The following ALK variants were observed in gnomAD, a reference collection of about 807,000 sequenced individuals.
ALK encodes the protein ALK receptor tyrosine kinase.
Under a neutral mutation model 163.1 loss-of-function variants are expected in ALK, and 74 were observed. The observed-to-expected ratio is 0.45, with a 90% CI of 0.38 to 0.55. ALK has a LOEUF of 0.55. ALK is among the 20% of genes least tolerant of loss of function. The pLI, the probability that ALK is intolerant of heterozygous loss-of-function variation, is 0.00. For synonymous variants in ALK, 960 were observed against 843.2 expected, an observed-to-expected ratio of 1.14 and a Z score of -2.40; for missense variants, 2,063 against 2,105.3, an observed-to-expected ratio of 0.98 and a Z score of 0.39.
At chr2:29,808,051 T>C (rs1353552379) in intron 1 of ALK, among the ~76,000 whole-genome samples, 1 of 152,220 alleles carries the variant, frequency 6.6e-6, no homozygotes, top group Non-Finnish European at 1.5e-5. Context: ...CTAATCTCAT[T>C]GTTTGGTTTT....
At chr2:29,897,114 G>C (rs1380826789) in intron 1 of ALK, among the ~76,000 whole-genome samples, 1 of 152,190 alleles carries the variant, frequency 6.6e-6, no homozygotes, top group Admixed American at 6.5e-5. Context: ...GAGGTCAAGA[G>C]TTCAAGACCA....
At chr2:29,542,469 G>C (rs1242872123) in intron 3 of ALK, among the ~76,000 whole-genome samples, 1 of 151,992 alleles carries the variant, frequency 6.6e-6, no homozygotes, top group Non-Finnish European at 1.5e-5. Context: ...TTCTTCAGGG[G>C]GAAATTTCTT....
At chr2:29,770,909 ACAGTCACACACACG>A (rs1257088073) in intron 1 of ALK, among the ~76,000 whole-genome samples, 3 of 152,046 alleles carry the variant, frequency 2.0e-5, no homozygotes, top group African/African-American at 4.8e-5. Context: ...AGTCTCACAC[ACAGTCACACACACG>A]CAGTCACACA....
chr2:29,591,020 G>A (rs968101836), intron 3 of ALK, among the ~76,000 whole-genome samples: 44 of 130,352 alleles, frequency 3.4e-4, no homozygotes, highest in African/African-American at 1.0e-3. Context: ...GCAGTGAGCC[G>A]AGATCGCGCC....
intron 4 of ALK, among the ~76,000 whole-genome samples, chr2:29,463,094 C>T (rs68010618): frequency 0.16 from 24,176 of 152,042 alleles, 2,155 homozygotes; most frequent in East Asian, 0.35. Context: ...ACCATAAATC[C>T]GACCTAAGAC....
intron 1 of ALK, among the ~76,000 whole-genome samples, chr2:29,752,599 C>T (rs1033979479): frequency 1.3e-5 from 2 of 151,974 alleles, no homozygotes; most frequent in African/African-American, 4.8e-5. Context: ...CCGCCCGTCT[C>T]GGCCTCCCAA....
At chr2:29,271,019 A>G (rs1665370295) in intron 11 of ALK, among the ~76,000 whole-genome samples, 1 of 152,226 alleles carries the variant, frequency 6.6e-6, no homozygotes, top group African/African-American at 2.4e-5. Flanking sequence ...GGATTAGAAT[A>G]CATTATTGAT....
intron 1 of ALK, among the ~76,000 whole-genome samples, chr2:29,779,670 T>G (rs1681280738): frequency 6.6e-6 from 1 of 152,230 alleles, no homozygotes; most frequent in East Asian, 1.9e-4. Flanking sequence ...ATATATCATG[T>G]GCTAAATCAC....
chr2:29,783,023 T>C (rs1424951507), intron 1 of ALK, among the ~76,000 whole-genome samples: 1 of 152,214 alleles, frequency 6.6e-6, no homozygotes. Flanking sequence ...AGCAGTGTTG[T>C]GTTCTGTTTC....
At chr2:29,415,459 C>T (rs1669852929) in intron 4 of ALK, among the ~76,000 whole-genome samples, 1 of 152,072 alleles carries the variant, frequency 6.6e-6, no homozygotes, top group African/African-American at 2.4e-5. Context: ...GCCTGGTATG[C>T]TCTCCTTAAG....
chr2:29,447,860 G>A (rs1195090996), intron 4 of ALK, among the ~76,000 whole-genome samples: 1 of 152,016 alleles, frequency 6.6e-6, no homozygotes, highest in Non-Finnish European at 1.5e-5. Context: ...ATATGTGTGA[G>A]TTTTTCGGCA....
At chr2:29,276,977 T>C (rs1665564017) in intron 9 of ALK, among the ~76,000 whole-genome samples, 1 of 152,120 alleles carries the variant, frequency 6.6e-6, no homozygotes, top group Non-Finnish European at 1.5e-5. Context: ...GTGCATTTTA[T>C]GATATATAAA....
rs2339471 is a variant in ALK at position 29,281,720 on chromosome 2, C to T, written c.1818-6224G>A. Among the ~76,000 whole-genome samples, 7 of 152,148 alleles carry T rather than the reference C, an allele frequency of 4.6e-5. No homozygotes were observed. The South Asian group carries it at 1.2e-3, about 27-fold the overall frequency. ...AGACGCCTTTTGAAAACAGACTCAG[C>T]GGGGATCTGGGAGGTGGCCATCTGG... On this transcript the variant is annotated intron_variant, in intron 9 of 28. Coordinates refer to ENST00000389048, the MANE Select transcript of ALK (RefSeq NM_004304.5).
At chr2:29,832,635 C>T (rs1470450376) in intron 1 of ALK, among the ~76,000 whole-genome samples, 1 of 152,190 alleles carries the variant, frequency 6.6e-6, no homozygotes, top group East Asian at 1.9e-4. Flanking sequence ...AAGCTAAAGC[C>T]CTTGCTTCTT....
At chr2:29,569,315 C>CAGT (rs1367211491) in intron 3 of ALK, among the ~76,000 whole-genome samples, 5 of 152,004 alleles carry the variant, frequency 3.3e-5, no homozygotes, top group Non-Finnish European at 1.5e-5. Context: ...GCAGCAGCAG[C>CAGT]AGCAATGATT....
At chr2:29,221,782 G>T (rs574978719) in intron 22 of ALK, among the ~76,000 whole-genome samples, 1 of 152,114 alleles carries the variant, frequency 6.6e-6, no homozygotes, top group African/African-American at 2.4e-5. Flanking sequence ...GCCCCCACCT[G>T]ATCTTGAGGT....
At chr2:29,803,022 G>A (rs34106702) in intron 1 of ALK, among the ~76,000 whole-genome samples, 68 of 152,252 alleles carry the variant, frequency 4.5e-4, no homozygotes, top group Non-Finnish European at 3.4e-4. Flanking sequence ...TAGTTACAAT[G>A]TATTCAAAGG....
intron 3 of ALK, among the ~76,000 whole-genome samples, chr2:29,668,816 C>T (rs766172268): frequency 2.1e-4 from 32 of 152,014 alleles, no homozygotes; most frequent in Admixed American, 3.9e-4. Context: ...CACATGGCTG[C>T]GGAGACCTCA....
At chr2:29,323,364 G>C (rs1336325543) in intron 6 of ALK, among the ~76,000 whole-genome samples, 1 of 152,208 alleles carries the variant, frequency 6.6e-6, no homozygotes, top group Non-Finnish European at 1.5e-5. Flanking sequence ...CTGCATATGT[G>C]ATAGCTCTGC....
Sources: gnomAD v4.1 joint callset for allele counts (sites outside exome capture counted in the v4.1 genomes callset) on GRCh38, gnomAD v4.1.1 for gene constraint, MANE v1.5 for transcripts, NCBI Gene and HGNC (gene_info 2026-07-23, HGNC 2026-07-21) for gene names.